Variants in LRRC8B observed in about 807,000 individuals in gnomAD.
LRRC8B encodes volume-regulated anion channel subunit LRRC8B.
In LRRC8B, 23 loss-of-function variants were observed where a neutral mutation model predicts 58.8. The ratio of observed to expected loss-of-function variants is 0.39; its 90% CI spans 0.28 to 0.55. The LOEUF (loss-of-function observed/expected upper bound fraction) is 0.55, where lower values mean the gene tolerates loss of function less well. LRRC8B is among the 20% of genes least tolerant of loss of function. LRRC8B has a pLI of 0.62. For synonymous variants in LRRC8B, 359 were observed against 374.1 expected (o/e 0.96, Z 0.47); for missense variants, 694 against 936.0 (o/e 0.74, Z 3.37).
chr1:89,557,726 C>T (rs1017465075), intron 1 of LRRC8B, among the ~76,000 whole-genome samples: 8 of 152,214 alleles, frequency 5.3e-5, no homozygotes, highest in Non-Finnish European at 1.0e-4. Flanking sequence ...GCAGCAGATA[C>T]ATAAAAGTTT....
At chr1:89,526,946 C>T (rs149986293) in intron 1 of LRRC8B, 37 of 152,260 alleles carry the variant, frequency 2.4e-4, no homozygotes, top group African/African-American at 8.4e-4. Context: ...TTTCCCATTG[C>T]TATTTTAATT....
At chr1:89,534,728 A>G (rs890219682) in intron 1 of LRRC8B, among the ~76,000 whole-genome samples, 3 of 152,238 alleles carry the variant, frequency 2.0e-5, no homozygotes, top group Non-Finnish European at 4.4e-5. Context: ...ATATATGGGA[A>G]TGAAGTCAGT....
In LRRC8B at chr1:89,595,502, A is replaced by G. The variant is rs1349260717; in HGVS notation, c.*2459A>G. The G allele has an allele frequency of 1.3e-5, 2 of 152,178 alleles. No individual in the cohort carries two copies. Among genetic ancestry groups the G allele is most frequent in the East Asian group, 3.8e-4 (2 of 5,200 alleles). The allele number at this position is 152,178 out of a possible 1,614,324, so 9.4% of individuals were successfully genotyped here. A position where few individuals can be genotyped will look rare whatever the true frequency, so the allele number is the denominator to read the frequency against. On this transcript the variant is annotated 3_prime_UTR_variant, in exon 6 of 6. Coordinates refer to ENST00000330947, the MANE Select transcript of LRRC8B (RefSeq NM_001369817.2). ...CTCGTCACTGGTTTGGTTCAACTGC[A>G]GAAGTCATTGGCTAAATTTTCCTTA...
chr1:89,537,637 T>C (rs1265167481), intron 1 of LRRC8B, among the ~76,000 whole-genome samples: 2 of 152,078 alleles, frequency 1.3e-5, no homozygotes, highest in African/African-American at 4.8e-5. Context: ...TACACCGGGC[T>C]AATTTTTGTA....
chr1:89,535,341 C>T (rs919016085), intron 1 of LRRC8B, among the ~76,000 whole-genome samples: 3 of 152,136 alleles, frequency 2.0e-5, no homozygotes, highest in African/African-American at 7.2e-5. Flanking sequence ...CCTTGGTGTA[C>T]ACAGGGATAT....
chr1:89,545,421 A>C (rs955098271), intron 1 of LRRC8B, among the ~76,000 whole-genome samples: 1 of 152,230 alleles, frequency 6.6e-6, no homozygotes, highest in Non-Finnish European at 1.5e-5. Flanking sequence ...CAATATACCC[A>C]AAATAGCATG....
At chr1:89,525,612 A>C (rs1191668012) in intron 1 of LRRC8B, among the ~76,000 whole-genome samples, 1 of 152,224 alleles carries the variant, frequency 6.6e-6, no homozygotes. Flanking sequence ...TTACCAATTT[A>C]AGAAGAAGAC....
rs1199591601 is a variant in LRRC8B, at chr1:89,527,136, T to G, written c.-241+2114T>G. The G allele has an allele frequency of 2.0e-5, 3 of 152,246 alleles. No homozygotes were observed. In the East Asian group the frequency reaches 5.8e-4, roughly 29 times the overall value. 9.4% of individuals were successfully genotyped at this position (152,246 alleles called of 1,614,324 possible). A position where few individuals can be genotyped will look rare whatever the true frequency, so the allele number is the denominator to read the frequency against. The stretch of plus-strand genomic sequence containing the variant: ...TTTAAGGGGAAAAATATTTTACAAT[T>G]TAGAACATCCTTGTTTTAGCCAATG... On this transcript the variant is annotated intron_variant, in intron 1 of 5. Transcript: ENST00000330947.
At chr1:89,558,855 T>C (rs899964268) in intron 1 of LRRC8B, 1 of 152,164 alleles carries the variant, frequency 6.6e-6, no homozygotes, top group African/African-American at 2.4e-5. Flanking sequence ...AATCCCATCA[T>C]TGAGGGCAGA....
In LRRC8B at chr1:89,595,850, T is replaced by C. The variant is rs1301858981; in HGVS notation, c.*2807T>C. ...AGAATTTTAAATGAAGAAAATTAAG[T>C]TTGTTAAATTATAATTATGAGACTT... is the stretch of plus-strand genomic sequence containing the variant. On this transcript the variant is annotated 3_prime_UTR_variant, in exon 6 of 6. Transcript: ENST00000330947. 1 of 152,080 alleles carries C rather than the reference T, an allele frequency of 6.6e-6. No individual in the cohort carries two copies. Among genetic ancestry groups the C allele is most frequent in the Non-Finnish European group, 1.5e-5 (1 of 67,954 alleles). 9.4% of individuals were successfully genotyped at this position (152,080 alleles called of 1,614,324 possible).
chr1:89,595,723 A>C lies in LRRC8B; in HGVS notation c.*2680A>C, dbSNP rs1175406280. The stretch of plus-strand genomic sequence containing the variant: ...AGACAAGGTAGCCCTGATGCAAGGA[A>C]AAATGAGGCTACTACTTCACATAAA... On this transcript the variant is annotated 3_prime_UTR_variant, in exon 6 of 6. Transcript: ENST00000330947. 1.3e-5 allele frequency: 2 copies of C among 152,184 alleles called. No homozygotes were observed. The highest frequency in any genetic ancestry group is 4.8e-5 in the African/African-American group (2 of 41,474). The allele number at this position is 152,184 out of a possible 1,614,324, so 9.4% of individuals were successfully genotyped here.
At chr1:89,585,803 C>G (rs912432754) in intron 5 of LRRC8B, among the ~76,000 whole-genome samples, 70 of 151,474 alleles carry the variant, frequency 4.6e-4, no homozygotes, top group African/African-American at 1.6e-3. Context: ...GAGCGAGACT[C>G]TGTCTCAAAA....
chr1:89,545,061 A>G lies in LRRC8B; in HGVS notation c.-241+20039A>G, dbSNP rs532464955. ...TTTCTAATTTGTTTAATTATAAGGC[A>G]GTGGTTTTGAGGTCTAAAAAAGATA... is the stretch of plus-strand genomic sequence containing the variant. On this transcript the variant is annotated intron_variant, in intron 1 of 5. Transcript: ENST00000330947. Among the ~76,000 whole-genome samples, 3 of 152,346 alleles carry G rather than the reference A, an allele frequency of 2.0e-5. No homozygotes were observed. In the East Asian group the frequency reaches 5.8e-4, roughly 29 times the overall value.
rs551745360 is a variant in LRRC8B at position 89,593,238 on chromosome 1, G to T, written c.*195G>T. On this transcript the variant is annotated 3_prime_UTR_variant, in exon 6 of 6. Coordinates refer to ENST00000330947, the MANE Select transcript of LRRC8B (RefSeq NM_001369817.2). Reference sequence around the variant, plus strand: ...AAAACTACAAAAAAATTAGCCAGGCGTGGTGGCGTGCGCCTGTAATCCCAG... The same window carrying T: ...AAAACTACAAAAAAATTAGCCAGGCTTGGTGGCGTGCGCCTGTAATCCCAG... The T allele has an allele frequency of 2.2e-4, 118 of 544,618 alleles. No homozygotes were observed. The highest frequency in any genetic ancestry group is 2.0e-3 in the African/African-American group (108 of 52,932). The allele number at this position is 544,618 out of a possible 1,614,324, so 33.7% of individuals were successfully genotyped here.
chr1:89,562,150 A>AACAC lies in LRRC8B; in HGVS notation c.-240-6068_-240-6065dup, dbSNP rs59568247. ...TTACTGTCTTATAACCACCTCCCAA[A>AACAC]ACACACACACACACACACACACACA... is the stretch of plus-strand genomic sequence containing the variant. On this transcript the variant is annotated intron_variant, in intron 1 of 5. Transcript: ENST00000330947. Among the ~76,000 whole-genome samples the AACAC allele has an allele frequency of 2.3e-3, 328 of 139,604 alleles. 1 individual carries two copies. Among genetic ancestry groups the AACAC allele is most frequent in the East Asian group, 8.4e-3 (40 of 4,742 alleles). The allele number at this position is 139,604 out of a possible 152,430, so 91.6% of individuals were successfully genotyped here.
intron 3 of LRRC8B, among the ~76,000 whole-genome samples, chr1:89,569,545 T>C (rs1653290540): frequency 6.6e-6 from 1 of 152,104 alleles, no homozygotes; most frequent in African/African-American, 2.4e-5. Flanking sequence ...TGCTCCCACT[T>C]ATAAGTGAAA....
chr1:89,563,042 T>G (rs1198139450), intron 1 of LRRC8B, among the ~76,000 whole-genome samples: 1 of 152,198 alleles, frequency 6.6e-6, no homozygotes, highest in African/African-American at 2.4e-5. Context: ...ATTATATTTT[T>G]TGTGTTGGTA....
At chr1:89,547,408 G>A (rs1288495195) in intron 1 of LRRC8B, among the ~76,000 whole-genome samples, 2 of 152,282 alleles carry the variant, frequency 1.3e-5, no homozygotes, top group East Asian at 1.9e-4. Flanking sequence ...GGTGAGTATT[G>A]TGGTGTTGAA....
intron 3 of LRRC8B, among the ~76,000 whole-genome samples, chr1:89,575,069 T>G (rs1653742772): frequency 6.6e-6 from 1 of 152,038 alleles, no homozygotes; most frequent in Admixed American, 6.5e-5. Flanking sequence ...GGGATGAAGT[T>G]TTTGGGGGGC....
Sources: allele counts gnomAD v4.1 joint callset (sites outside exome capture counted in the v4.1 genomes callset), GRCh38; gene constraint gnomAD v4.1.1; transcripts MANE v1.5; gene names NCBI Gene and HGNC (gene_info 2026-07-23, HGNC 2026-07-21).